Variants in IL17RD observed in about 807,000 individuals in gnomAD.
IL17RD encodes interleukin 17 receptor D.
IL17RD carries 52 observed loss-of-function variants against 80.5 expected under a neutral mutation model. That is an observed-to-expected ratio of 0.65 (90% CI 0.52 to 0.81). IL17RD has a LOEUF of 0.81. Among genes scored for constraint, IL17RD ranks in the 40% least tolerant of loss-of-function variants. The pLI, the probability that IL17RD is intolerant of heterozygous loss-of-function variation, is 0.00. For synonymous variants in IL17RD, 416 were observed against 391.8 expected, an observed-to-expected ratio of 1.06 and a Z score of -0.73; for missense variants, 1,024 against 955.1, an observed-to-expected ratio of 1.07 and a Z score of -0.95.
rs1484365930 is a variant in IL17RD at position 57,127,267 on chromosome 3, TATATAA to T, written c.127-6960_127-6955del. Among the ~76,000 whole-genome samples, 473 of 94,956 alleles carry T rather than the reference TATATAA, an allele frequency of 5.0e-3. 34 individuals are homozygous for T. Among genetic ancestry groups the T allele is most frequent in the African/African-American group, 0.027 (454 of 16,854 alleles). The allele number at this position is 94,956 out of a possible 152,430, so 62.3% of individuals were successfully genotyped here. A position where few individuals can be genotyped will look rare whatever the true frequency, so the allele number is the denominator to read the frequency against. On this transcript the variant is annotated intron_variant, in intron 1 of 12. Transcript: ENST00000296318. Reference sequence around the variant, plus strand: ...ATATATATATAAATATATATAAATATATATAAAAATATATATAAATATATATAAATA... The same window carrying T: ...ATATATATATAAATATATATAAATATAAATATATATAAATATATATAAATA...
At chr3:57,115,453 C>T (rs1179018472) in intron 2 of IL17RD, among the ~76,000 whole-genome samples, 1 of 152,092 alleles carries the variant, frequency 6.6e-6, no homozygotes, top group Admixed American at 6.5e-5. Context: ...ATCCAAGGCA[C>T]CCCACATTAC....
At chr3:57,096,808 G>C (rs1038579263) in intron 12 of IL17RD, among the ~76,000 whole-genome samples, 1 of 152,090 alleles carries the variant, frequency 6.6e-6, no homozygotes, top group Admixed American at 6.5e-5. Flanking sequence ...TCAGGAGTTT[G>C]AGACCAGCCT....
At chr3:57,169,474 C>A, upstream of IL17RD, 1 of 207,152 alleles carries the variant, frequency 4.8e-6, no homozygotes, top group Non-Finnish European at 1.0e-5. Flanking sequence ...TAATTATAAC[C>A]TAGCCAGATA....
chr3:57,098,032 G>C lies in IL17RD; in HGVS notation c.1671C>G (p.Pro557=), dbSNP rs144425478. 1.5e-5 allele frequency: 24 copies of C among 1,613,870 alleles called. No homozygotes were observed. The highest frequency in any genetic ancestry group is 1.9e-5 in the Non-Finnish European group (23 of 1,179,900). ...GAACGAACTGCTTTTCGAACCAGTC[G>C]GGCTCCTCGTCAATAAACTGGTGCA... The part of the protein sequence containing the change: ...CNMHQFIDEE[P]DWFEKQFVPF... Residue 557 remains proline (P), a synonymous_variant, in exon 12 of 13, where the codon CCC becomes CCG. Coordinates refer to ENST00000296318, the MANE Select transcript of IL17RD (RefSeq NM_017563.5).
At chr3:57,138,435 G>A (rs1707768756) in intron 1 of IL17RD, among the ~76,000 whole-genome samples, 1 of 152,136 alleles carries the variant, frequency 6.6e-6, no homozygotes, top group African/African-American at 2.4e-5. Flanking sequence ...AGACCAGATA[G>A]CCAGCAACTG....
chr3:57,099,138 T>C (rs1231551237), intron 11 of IL17RD, among the ~76,000 whole-genome samples: 15 of 152,226 alleles, frequency 9.9e-5, no homozygotes. Flanking sequence ...GGCTCACCTA[T>C]GTTGTTTACT....
Position 57,096,443 on chromosome 3 carries a change from G to T in IL17RD, c.2170C>A (p.Leu724Ile). The T allele has an allele frequency of 6.2e-7, 1 of 1,613,998 alleles. No homozygotes were observed. Among genetic ancestry groups the T allele is most frequent in the Non-Finnish European group, 8.5e-7 (1 of 1,179,862 alleles). Residue 724 changes from leucine to isoleucine, a missense_variant, in exon 13 of 13, where the codon CTT (leucine) becomes ATT (isoleucine). Physicochemically the swap from Leu to Ile is conservative, Grantham distance 5 (BLOSUM62 2). Coordinates refer to ENST00000296318, the MANE Select transcript of IL17RD (RefSeq NM_017563.5). ...LLSSGSCKAD[L>I]GCRSYTDELH... ...TCATCAGTGTAGCTGCGGCAACCAA[G>T]ATCTGCTTTGCATGACCCAGAAGAG...
At chr3:57,119,118 C>T (rs1268471379) in intron 2 of IL17RD, among the ~76,000 whole-genome samples, 5 of 151,706 alleles carry the variant, frequency 3.3e-5, no homozygotes, top group African/African-American at 4.8e-5. Flanking sequence ...TTTGGGAGGC[C>T]GAGGCAGGAG....
At chr3:57,122,672 T>C (rs996598428) in intron 1 of IL17RD, among the ~76,000 whole-genome samples, 23 of 151,674 alleles carry the variant, frequency 1.5e-4, no homozygotes, top group Non-Finnish European at 2.9e-4. Flanking sequence ...TCCACGAAAC[T>C]AGTCCCTGGT....
In IL17RD at chr3:57,106,100, T is replaced by A; in HGVS notation, c.595+10A>T. ...TTTGAGACTTGATAGATAAGAACAC[T>A]ATTACTTACAGGGTTTACAAGCTAG... is the stretch of plus-strand genomic sequence containing the variant. On this transcript the variant is annotated intron_variant, in intron 6 of 12. Transcript: ENST00000296318. The A allele has an allele frequency of 6.2e-7, 1 of 1,611,604 alleles. No individual in the cohort carries two copies. Among genetic ancestry groups the A allele is most frequent in the Non-Finnish European group, 8.5e-7 (1 of 1,177,914 alleles).
At position 57,096,518 on chromosome 3, in the gene IL17RD, G is replaced by T. The variant is rs747756856; in HGVS notation, c.2108-13C>A. 6.6e-7 allele frequency: 1 copy of T among 1,523,294 alleles called. No homozygotes were observed. Among genetic ancestry groups the T allele is most frequent in the East Asian group, 2.3e-5 (1 of 44,422 alleles). 94.4% of individuals were successfully genotyped at this position (1,523,294 alleles called of 1,614,324 possible). The stretch of plus-strand genomic sequence containing the variant: ...GGTTCCTCCTCACCTAAGGAGAGAA[G>T]AGAGTACAGAGTCACACTGTCATTG... On this transcript the variant is annotated splice_polypyrimidine_tract_variant and intron_variant, in intron 12 of 12. Transcript: ENST00000296318.
chr3:57,156,141 T>C (rs2060265552), intron 1 of IL17RD, among the ~76,000 whole-genome samples: 1 of 152,142 alleles, frequency 6.6e-6, no homozygotes, highest in Non-Finnish European at 1.5e-5. Flanking sequence ...GGAAGAAGGA[T>C]GGACAAAGAA....
intron 1 of IL17RD, among the ~76,000 whole-genome samples, chr3:57,131,142 CCT>C (rs1707600310): frequency 6.6e-6 from 1 of 151,806 alleles, no homozygotes; most frequent in South Asian, 2.1e-4. Context: ...TCCCCCACCC[CCT>C]CCTACCTCAG....
chr3:57,129,929 T>C (rs1707571962), intron 1 of IL17RD, among the ~76,000 whole-genome samples: 1 of 152,214 alleles, frequency 6.6e-6, no homozygotes, highest in Non-Finnish European at 1.5e-5. Context: ...CCCTGTTCTC[T>C]AGCTGCAAAA....
At chr3:57,168,738 C>T (rs1005991322), upstream of IL17RD, among the ~76,000 whole-genome samples, 8 of 152,050 alleles carry the variant, frequency 5.3e-5, no homozygotes, top group Admixed American at 2.0e-4. Flanking sequence ...TTGTTTGAGA[C>T]GGAGTTTTGC....
chr3:57,103,088 T>A lies in IL17RD; in HGVS notation c.868+3A>T. The stretch of plus-strand genomic sequence containing the variant: ...GCCAAATTTCAAACAAAAAAGCACC[T>A]ACCTGGCTTTAAGGCATAATGCATC... On this transcript the variant is annotated splice_donor_region_variant and intron_variant, in intron 9 of 12. Transcript: ENST00000296318. 6.3e-7 allele frequency: 1 copy of A among 1,592,876 alleles called. No individual in the cohort carries two copies.
chr3:57,102,825 A>G (rs1706867155), intron 9 of IL17RD, among the ~76,000 whole-genome samples: 1 of 152,142 alleles, frequency 6.6e-6, no homozygotes, highest in African/African-American at 2.4e-5. Context: ...TTGAGTGAGA[A>G]TTTTGCCTAA....
intron 1 of IL17RD, among the ~76,000 whole-genome samples, chr3:57,141,658 T>C (rs774800587): frequency 3.3e-5 from 5 of 152,160 alleles, no homozygotes; most frequent in Non-Finnish European, 7.3e-5. Flanking sequence ...ATATTTGTTA[T>C]AATAAACATT....
At chr3:57,165,053 C>A in intron 1 of IL17RD, 108 bp downstream of exon 1, 1 of 1,359,396 alleles carries the variant, frequency 7.4e-7, no homozygotes, top group South Asian at 1.7e-5. Context: ...GCCGCGGACC[C>A]CGCGAAGAGC....
Sources: gnomAD v4.1 joint callset for allele counts (sites outside exome capture counted in the v4.1 genomes callset) on GRCh38, gnomAD v4.1.1 for gene constraint, MANE v1.5 for transcripts, NCBI Gene and HGNC (gene_info 2026-07-23, HGNC 2026-07-21) for gene names.